The following APOB variants were observed in gnomAD, a reference collection of about 807,000 sequenced individuals.
APOB encodes the protein apolipoprotein B, also known as apolipoprotein B-100.
A neutral mutation model predicts 314.1 loss-of-function variants in APOB; 153 were observed. The observed-to-expected ratio is 0.49, with a 90% CI of 0.43 to 0.56. The LOEUF (loss-of-function observed/expected upper bound fraction) is 0.56. APOB is among the 20% of genes least tolerant of loss of function. The pLI, the probability that APOB is intolerant of heterozygous loss-of-function variation, is 0.00. For synonymous variants in APOB, 2,087 were observed against 2,036.4 expected (o/e 1.02, Z -0.67); for missense variants, 5,430 against 5,350.7 (o/e 1.01, Z -0.46).
chr2:21,001,770 T>C lies in APOB; in HGVS notation c.13652A>G (p.Tyr4551Cys), dbSNP rs1426865294. ...AAGTTCTCCTGGAGCAAGCTTCATG[T>C]AGGGGTTCATGACTGTGGTTGATTG... ...KLQSTTVMNP[Y>C]MKLAPGELTI... is the part of the protein sequence containing the mutation. Residue 4551 changes from tyrosine to cysteine, a missense_variant, in exon 29 of 29, where the codon TAC becomes TGC. By Grantham distance (194) the Tyr-to-Cys change is radical (BLOSUM62 -2). Transcript: ENST00000233242. The C allele has an allele frequency of 1.2e-6, 2 of 1,614,022 alleles. No individual in the cohort carries two copies. Among genetic ancestry groups the C allele is most frequent in the Admixed American group, 1.7e-5 (1 of 60,022 alleles).
Position 21,012,464 on chromosome 2 carries a change from T to C in APOB, c.4404A>G (p.Ser1468=). The C allele has an allele frequency of 1.2e-6, 2 of 1,614,190 alleles. No individual in the cohort carries two copies. Among genetic ancestry groups the C allele is most frequent in the Non-Finnish European group, 1.7e-6 (2 of 1,180,006 alleles). Residue 1468 remains serine (S), a synonymous_variant, in exon 26 of 29, where the codon TCA becomes TCG. Transcript: ENST00000233242. Reference sequence around the variant, plus strand: ...GTTTCTTTTTGGAGTCCAAATGAACTGAAGCAGACATCTGTGGTCCCCAGG... The same window carrying C: ...GTTTCTTTTTGGAGTCCAAATGAACCGAAGCAGACATCTGTGGTCCCCAGG... The part of the protein sequence containing the change: ...SSSWGPQMSA[S]VHLDSKKKQH...
chr2:21,041,097 G>T lies in APOB; in HGVS notation c.238-14C>A. On this transcript the variant is annotated splice_polypyrimidine_tract_variant and intron_variant, in intron 3 of 28. Coordinates refer to ENST00000233242, the MANE Select transcript of APOB (RefSeq NM_000384.3). ...CTCCAGCTCAACCTGAGAATTCAGGGTAGCAGAGCATTGAGGTTGTCTATC... is the reference window on the plus strand; with the variant it reads ...CTCCAGCTCAACCTGAGAATTCAGGTTAGCAGAGCATTGAGGTTGTCTATC... The T allele has an allele frequency of 1.2e-6, 2 of 1,609,508 alleles. No homozygotes were observed. Among genetic ancestry groups the T allele is most frequent in the East Asian group, 4.5e-5 (2 of 44,868 alleles).
In APOB at chr2:21,002,672, C is replaced by T; in HGVS notation, c.12750G>A (p.Val4250=). 6.2e-7 allele frequency: 1 copy of T among 1,613,844 alleles called. No individual in the cohort carries two copies. Among genetic ancestry groups the T allele is most frequent in the South Asian group, 1.1e-5 (1 of 91,046 alleles). Residue 4250 remains valine, a synonymous_variant, in exon 29 of 29, where the codon GTG becomes GTA. Coordinates refer to ENST00000233242, the MANE Select transcript of APOB (RefSeq NM_000384.3). Reference sequence around the variant, plus strand: ...TCCTTAACTCGAAAGGAAGTGTAATCACTAGGTCTTGGAAATAGGAAAACA... The same window carrying T: ...TCCTTAACTCGAAAGGAAGTGTAATTACTAGGTCTTGGAAATAGGAAAACA... ...EILFSYFQDL[V]ITLPFELRKH...
Position 21,006,458 on chromosome 2 carries a change from G to A in APOB, c.10410C>T (p.Tyr3470=). The A allele has an allele frequency of 6.2e-7, 1 of 1,614,118 alleles. No individual in the cohort carries two copies. The highest frequency in any genetic ancestry group is 1.1e-5 in the South Asian group (1 of 91,082). The change falls in exon 26 of 29, where the codon TAC becomes TAT. Residue 3470 remains tyrosine (Y), a synonymous_variant. Transcript: ENST00000233242. ...GGTCAACTGCTCCTTTAGCGGTAGA[G>A]TACAGCATTGAAGAATTGAAATCAT... ...FKYDFNSSML[Y]STAKGAVDHK...
chr2:21,040,135 G>T (rs1033168865), intron 4 of APOB, among the ~76,000 whole-genome samples: 2 of 152,184 alleles, frequency 1.3e-5, no homozygotes, highest in African/African-American at 4.8e-5. Flanking sequence ...CTCTGCACAA[G>T]CTCTCTTTGC....
chr2:21,029,899 C>G lies in APOB; in HGVS notation c.1469G>C (p.Arg490Pro). 6.2e-7 allele frequency: 1 copy of G among 1,612,158 alleles called. No homozygotes were observed. Reference sequence around the variant, plus strand: ...TGTCATATAAAAGACTGAGATTACCCGCAGAATCAAATAGGTGTAATCTTC... The same window carrying G: ...TGTCATATAAAAGACTGAGATTACCGGCAGAATCAAATAGGTGTAATCTTC... ...GDEDYTYLIL[R>P]VIGNMGQTME... Residue 490 changes from arginine (R) to proline (P), a missense_variant and splice_region_variant, in exon 11 of 29, where the codon CGG becomes CCG. Arg to Pro is a moderately radical substitution (Grantham distance 103). This residue lies in a region of APOB where 2,085 missense variants were observed against 2,079.7 expected (regional missense o/e 1.00). Transcript: ENST00000233242.
At position 21,013,281 on chromosome 2, in the gene APOB, G is replaced by A; in HGVS notation, c.4095C>T (p.Asn1365=). 6.2e-7 allele frequency: 1 copy of A among 1,614,228 alleles called. No homozygotes were observed. The highest frequency in any genetic ancestry group is 1.1e-5 in the South Asian group (1 of 91,082). ...VLDLSTNVYS[N]LYNWSASYSG... ...TGTAGGAGGCGGACCAGTTGTACAA[G>A]TTGCTGTAGACATTCGTGGAGAGGT... Residue 1365 remains asparagine, a synonymous_variant, in exon 25 of 29, where the codon AAC becomes AAT. Transcript: ENST00000233242.
chr2:21,010,300 C>A lies in APOB; in HGVS notation c.6568G>T (p.Asp2190Tyr), dbSNP rs1663270815. ...QFDQYIKDSY[D>Y]LHDLKIAIAN... ...ATAGCTATTTTCAAATCATGTAAAT[C>A]ATAACTATCTTTAATATACTGATCA... Residue 2190 changes from aspartate to tyrosine, a missense_variant, in exon 26 of 29, where the codon GAT becomes TAT. Physicochemically the swap from Asp to Tyr is radical, Grantham distance 160 (BLOSUM62 -3). This residue lies in a region of APOB where 3,281 missense variants were observed against 3,171.0 expected (regional missense o/e 1.03). Coordinates refer to ENST00000233242, the MANE Select transcript of APOB (RefSeq NM_000384.3). The A allele has an allele frequency of 1.3e-6, 2 of 1,548,342 alleles. No individual in the cohort carries two copies. The highest frequency in any genetic ancestry group is 1.4e-5 in the African/African-American group (1 of 72,460).
In APOB at chr2:21,001,871, G is replaced by C; in HGVS notation, c.13551C>G (p.Ser4517=). The C allele has an allele frequency of 6.2e-7, 1 of 1,613,992 alleles. No homozygotes were observed. Among genetic ancestry groups the C allele is most frequent in the Non-Finnish European group, 8.5e-7 (1 of 1,179,956 alleles). Residue 4517 remains serine (S), a synonymous_variant, in exon 29 of 29, where the codon TCC becomes TCG. Coordinates refer to ENST00000233242, the MANE Select transcript of APOB (RefSeq NM_000384.3). ...SDYYEKFIAE[S]KRLIDLSIQN... is the part of the protein sequence containing the mutation. Reference sequence around the variant, plus strand: ...GAATGGACAGGTCAATCAATCTTTTGGATTCAGCAATAAATTTTTCATAGT... The same window carrying C: ...GAATGGACAGGTCAATCAATCTTTTCGATTCAGCAATAAATTTTTCATAGT...
rs1663667473 is a variant in APOB at position 21,023,647 on chromosome 2, G to A, written c.2482C>T (p.His828Tyr). ...RKGSKNDFFLHYIFMENAFEL... is the reference protein window; with the variant it reads ...RKGSKNDFFLYYIFMENAFEL... ...AAGGCATTCTCCATGAAGATGTAGT[G>A]AAGAAAAAAGTCATTCTTTGAGCCC... Residue 828 changes from histidine to tyrosine, a missense_variant, in exon 17 of 29, where the codon CAC becomes TAC. Coordinates refer to ENST00000233242, the MANE Select transcript of APOB (RefSeq NM_000384.3). 5.0e-6 allele frequency: 8 copies of A among 1,613,148 alleles called. No individual in the cohort carries two copies. The highest frequency in any genetic ancestry group is 6.8e-6 in the Non-Finnish European group (8 of 1,179,252).
In APOB at chr2:21,005,390, C is replaced by A; in HGVS notation, c.11478G>T (p.Thr3826=). ...PESQLTVSQF[T]LPKSVSDGIA... ...TGCCATCTGAAACACTTTTTGGAAG[C>A]GTGAACTGGGACACAGTTAACTGAG... The change falls in exon 26 of 29, where the codon ACG becomes ACT. Residue 3826 remains threonine, a synonymous_variant. Transcript: ENST00000233242. The A allele has an allele frequency of 1.2e-6, 2 of 1,613,954 alleles. No homozygotes were observed. The highest frequency in any genetic ancestry group is 1.7e-6 in the Non-Finnish European group (2 of 1,179,934).
At chr2:21,024,829 C>T (rs1489582645) in intron 16 of APOB, 104 bp downstream of exon 16, 1 of 1,201,572 alleles carries the variant, frequency 8.3e-7, no homozygotes, top group Admixed American at 1.7e-5. Context: ...AAAGTACAAG[C>T]ATCTTTTCGG....
At chr2:21,018,269 C>T (rs1376981764) in intron 20 of APOB, among the ~76,000 whole-genome samples, 2 of 152,196 alleles carry the variant, frequency 1.3e-5, no homozygotes, top group Non-Finnish European at 2.9e-5. Flanking sequence ...AGTTTCTCTG[C>T]CCTTGTCTGC....
rs570798466 is a variant in APOB, at chr2:21,010,478, A to G, written c.6390T>C (p.Asn2130=). The G allele has an allele frequency of 2.5e-5, 40 of 1,611,018 alleles. No individual in the cohort carries two copies. Among genetic ancestry groups the G allele is most frequent in the South Asian group, 1.8e-4 (16 of 90,768 alleles). The change falls in exon 26 of 29, where the codon AAT becomes AAC. Residue 2130 remains asparagine, a synonymous_variant. Transcript: ENST00000233242. ...TGGCATGTGAAACTTGTCTCTCCCA[A>G]TTGAATGAATTCAGATAATCATTAG... ...QQANDYLNSF[N]WERQVSHAKE... is the part of the protein sequence containing the mutation.
In APOB at chr2:21,001,479, A is replaced by G. The variant is rs540075453; in HGVS notation, c.*251T>C. 1 of 470,708 alleles carries G rather than the reference A, an allele frequency of 2.1e-6. No individual in the cohort carries two copies. The highest frequency in any genetic ancestry group is 3.8e-5 in the East Asian group (1 of 26,012). 29.2% of individuals were successfully genotyped at this position (470,708 alleles called of 1,614,324 possible). ...TATTTGTTCCTCCTCCCCCAAGTTT[A>G]GCAAAATAACTCAGATCCTGATTTT... On this transcript the variant is annotated 3_prime_UTR_variant, in exon 29 of 29. Transcript: ENST00000233242.
intron 4 of APOB, 48 bp downstream of exon 4, chr2:21,040,890 C>G: frequency 6.2e-7 from 1 of 1,609,920 alleles, no homozygotes; most frequent in Non-Finnish European, 8.5e-7. Flanking sequence ...AAGTTCATAC[C>G]TCAGCGGACA....
intron 28 of APOB, among the ~76,000 whole-genome samples, chr2:21,003,582 T>C (rs1663055195): frequency 6.6e-6 from 1 of 152,116 alleles, no homozygotes; most frequent in South Asian, 2.1e-4. Flanking sequence ...GTCATTTACA[T>C]TGTGACACTT....
At chr2:21,026,151 A>T (rs541750488) in intron 15 of APOB, among the ~76,000 whole-genome samples, 1 of 152,314 alleles carries the variant, frequency 6.6e-6, no homozygotes, top group African/African-American at 2.4e-5. Flanking sequence ...GTAGTCTGGG[A>T]TACAGACAGA....
chr2:21,015,414 G>A lies in APOB; in HGVS notation c.3464C>T (p.Thr1155Ile), dbSNP rs879126297. 6.2e-7 allele frequency: 1 copy of A among 1,614,212 alleles called. No homozygotes were observed. Among genetic ancestry groups the A allele is most frequent in the South Asian group, 1.1e-5 (1 of 91,082 alleles). ...KLLLQMDSSATAYGSTVSKRV... is the reference protein window; with the variant it reads ...KLLLQMDSSAIAYGSTVSKRV... ...CTTGGAAACTGTGGAGCCATAAGCT[G>A]TAGCAGATGAGTCCATTTGGAGAAG... Residue 1155 changes from threonine (T) to isoleucine (I), a missense_variant, in exon 22 of 29, where the codon ACA (threonine) becomes ATA (isoleucine). Thr to Ile is a moderately conservative substitution (Grantham distance 89). Coordinates refer to ENST00000233242, the MANE Select transcript of APOB (RefSeq NM_000384.3).
Sources: allele counts gnomAD v4.1 joint callset (sites outside exome capture counted in the v4.1 genomes callset), GRCh38; gene constraint gnomAD v4.1.1; regional missense constraint gnomAD v4.1.1; transcripts MANE v1.5; gene names NCBI Gene and HGNC (gene_info 2026-07-23, HGNC 2026-07-21).